AMOT: variants seen among roughly 807,000 people sequenced by gnomAD.
The protein encoded by AMOT is angiomotin.
AMOT carries 11 observed loss-of-function variants against 67.0 expected under a neutral mutation model. The ratio of observed to expected loss-of-function variants is 0.16; its 90% CI spans 0.10 to 0.27. The LOEUF (loss-of-function observed/expected upper bound fraction) is 0.27, where lower values mean the gene tolerates loss of function less well. Ranked by LOEUF, AMOT falls within the 10% of genes least tolerant of loss-of-function variation. The pLI is 1.00. For missense variants in AMOT, 753 were observed against 852.0 expected (o/e 0.88, Z 1.45); for synonymous variants, 326 against 321.4 (o/e 1.01, Z -0.15).
At chrX:112,822,221 A>G in intron 4 of AMOT, 34 bp downstream of exon 4, 1 of 1,072,176 alleles carries the variant, frequency 9.3e-7, no homozygotes, top group Non-Finnish European at 1.2e-6. Context: ...GTTGGGGATG[A>G]GGTCAGGAAA....
chrX:112,832,105 G>A (rs1935005116), intron 2 of AMOT, among the ~76,000 whole-genome samples, 189 bp downstream of exon 2: 1 of 111,190 alleles, frequency 9.0e-6, no homozygotes, highest in African/African-American at 3.3e-5. Flanking sequence ...ATCTTAGAGG[G>A]CATGGGCGGG....
At chrX:112,819,887 GA>G (rs1305798281) in intron 4 of AMOT, among the ~76,000 whole-genome samples, 1 of 112,770 alleles carries the variant, frequency 8.9e-6, no homozygotes, top group East Asian at 2.8e-4. Flanking sequence ...TAAGGGCTCA[GA>G]ATGTAGTCTT....
In AMOT at chrX:112,822,410, TG is replaced by T; in HGVS notation, c.716del (p.Pro239HisfsTer14). 1 of 1,167,486 alleles carries T rather than the reference TG, an allele frequency of 8.6e-7. No individual in the cohort carries two copies. Among genetic ancestry groups the T allele is most frequent in the Non-Finnish European group, 1.1e-6 (1 of 872,927 alleles). ...SLKGMEHRGP[P>X]PEYPFKGMPP... ...GCATGCCCTTGAAGGGATATTCTGGTGGGGGGCCTCGGTGTTCCATGCCCTT... is the reference window on the plus strand; with the variant it reads ...GCATGCCCTTGAAGGGATATTCTGGTGGGGGCCTCGGTGTTCCATGCCCTT... On this transcript the variant is annotated frameshift_variant, in exon 4 of 14. Coordinates refer to ENST00000371959, the MANE Select transcript of AMOT (RefSeq NM_001113490.2). LOFTEE classifies it high-confidence loss of function.
intron 7 of AMOT, among the ~76,000 whole-genome samples, chrX:112,807,138 G>A (rs1233712353): frequency 1.8e-5 from 2 of 110,820 alleles, no homozygotes; most frequent in African/African-American, 6.6e-5. Flanking sequence ...AGTCTGCTCT[G>A]GCCTTCCACA....
chrX:112,833,636 G>C (rs927023906), intron 1 of AMOT, among the ~76,000 whole-genome samples: 1 of 111,971 alleles, frequency 8.9e-6, no homozygotes, highest in Admixed American at 9.4e-5. Context: ...TTAATAAAAT[G>C]GTTTGTTGTC....
At chrX:112,790,908 G>C (rs958468710) in intron 9 of AMOT, 126 bp from the exon 10 acceptor site, 38 of 624,828 alleles carry the variant, frequency 6.1e-5, no homozygotes, top group Non-Finnish European at 8.4e-5. Flanking sequence ...GAAAGAAGCA[G>C]GGGGAATTCA....
chrX:112,839,044 G>A (rs1008925745), intron 1 of AMOT, among the ~76,000 whole-genome samples: 2 of 112,308 alleles, frequency 1.8e-5, no homozygotes, highest in Non-Finnish European at 3.8e-5. Flanking sequence ...TCTGAAACAG[G>A]ATAGCCTTTA....
rs372328018 is a variant in AMOT, at chrX:112,815,333, T to C, written c.1392+25A>G. On this transcript the variant is annotated intron_variant, in intron 5 of 13. Coordinates refer to ENST00000371959, the MANE Select transcript of AMOT (RefSeq NM_001113490.2). ...CTCACAAATAAAGACTTAGAGACCC[T>C]AATATCCCAAAACGGAAGCCTCACC... 2.6e-5 allele frequency: 31 copies of C among 1,186,005 alleles called. No homozygotes were observed. The African/African-American group carries it at 5.2e-4, about 20-fold the overall frequency.
intron 5 of AMOT, among the ~76,000 whole-genome samples, chrX:112,814,004 G>T (rs910815410): frequency 1.8e-5 from 2 of 112,091 alleles, no homozygotes; most frequent in Admixed American, 1.9e-4. Context: ...CAGGCGCAGT[G>T]GCTCACGCCT....
chrX:112,779,051 G>A lies in AMOT; in HGVS notation c.3103C>T (p.Pro1035Ser), dbSNP rs1933016208. The A allele has an allele frequency of 1.7e-6, 2 of 1,209,688 alleles. No homozygotes were observed. The highest frequency in any genetic ancestry group is 5.9e-5 in the East Asian group (2 of 33,871). Residue 1035 changes from proline (P) to serine (S), a missense_variant, in exon 13 of 14, where the codon CCT (proline) becomes TCT (serine). Pro to Ser is a moderately conservative substitution (Grantham distance 74, BLOSUM62 -1). This residue lies in a region of AMOT where 269 missense variants were observed against 300.9 expected (regional missense o/e 0.89). Transcript: ENST00000371959. ...AEVPASPATG[P>S]GPHRLSIPSL... ...GGTATAGACAAACGATGTGGTCCAGGACCGGTAGCTGGACTTGCAGGAACC... is the reference window on the plus strand; with the variant it reads ...GGTATAGACAAACGATGTGGTCCAGAACCGGTAGCTGGACTTGCAGGAACC...
intron 8 of AMOT, among the ~76,000 whole-genome samples, chrX:112,798,905 A>G (rs1244000754): frequency 9.0e-6 from 1 of 111,676 alleles, no homozygotes; most frequent in African/African-American, 3.3e-5. Context: ...AGATCTCTTA[A>G]CCCCCTTCTG....
intron 2 of AMOT, among the ~76,000 whole-genome samples, chrX:112,828,084 C>A (rs1934889226): frequency 9.0e-6 from 1 of 111,228 alleles, no homozygotes; most frequent in Admixed American, 9.6e-5. Flanking sequence ...CCAGTAAATT[C>A]TTATGTTCTC....
chrX:112,782,472 G>A, intron 11 of AMOT, 68 bp downstream of exon 11: 1 of 1,190,447 alleles, frequency 8.4e-7, no homozygotes, highest in Non-Finnish European at 1.1e-6. Context: ...TCCTAGCTGT[G>A]AATAAAGATC....
intron 8 of AMOT, among the ~76,000 whole-genome samples, chrX:112,800,647 G>T (rs1263367169): frequency 4.5e-5 from 5 of 112,329 alleles, no homozygotes; most frequent in Non-Finnish European, 9.4e-5. Context: ...TTGTGGATAG[G>T]TGTCATAGCA....
chrX:112,826,304 T>G (rs1222121715), intron 2 of AMOT, among the ~76,000 whole-genome samples: 1 of 112,393 alleles, frequency 8.9e-6, no homozygotes, highest in Non-Finnish European at 1.9e-5. Context: ...ATCTCTGTAT[T>G]TTGAGAGCAT....
chrX:112,783,304 A>AG (rs2147779375), intron 10 of AMOT, among the ~76,000 whole-genome samples: 1 of 110,076 alleles, frequency 9.1e-6, no homozygotes, highest in East Asian at 2.8e-4. Flanking sequence ...CAAAAAAAAA[A>AG]AAAAAAGGAA....
Position 112,822,352 on chromosome X carries a change from G to A in AMOT, c.775C>T (p.Pro259Ser), listed in dbSNP as rs1461170066. The A allele has an allele frequency of 8.6e-7, 1 of 1,158,833 alleles. No homozygotes were observed. Among genetic ancestry groups the A allele is most frequent in the East Asian group, 3.3e-5 (1 of 30,669 alleles). ...PQSVVCKPQEPGHFYSEHRLN... is the reference protein window; with the variant it reads ...PQSVVCKPQESGHFYSEHRLN... ...CGATGCTCACTATAGAAGTGCCCTG[G>A]CTCTTGGGGCTTGCACACTACAGAT... Residue 259 changes from proline to serine, a missense_variant, in exon 4 of 14, where the codon CCA (proline) becomes TCA (serine). Coordinates refer to ENST00000371959, the MANE Select transcript of AMOT (RefSeq NM_001113490.2).
intron 4 of AMOT, among the ~76,000 whole-genome samples, chrX:112,817,319 C>T (rs77268689): frequency 0.024 from 2,640 of 112,338 alleles, 36 homozygotes; most frequent in Non-Finnish European, 0.036. Context: ...TTCTCTACCT[C>T]CCAGTGAGAT....
intron 12 of AMOT, chrX:112,780,582 C>A (rs1933118752): frequency 6.2e-6 from 2 of 324,984 alleles, no homozygotes; most frequent in South Asian, 1.2e-4. Context: ...TGCCACATGG[C>A]AAAGGCCAAA....
Sources: gnomAD v4.1 joint callset for allele counts (sites outside exome capture counted in the v4.1 genomes callset) on GRCh38, gnomAD v4.1.1 for gene constraint, gnomAD v4.1.1 regional missense constraint, MANE v1.5 for transcripts, NCBI Gene and HGNC (gene_info 2026-07-23, HGNC 2026-07-21) for gene names.